RBM26: variants seen among roughly 807,000 people sequenced by gnomAD.
The protein encoded by RBM26 is RNA-binding protein 26.
RBM26 carries 30 observed loss-of-function variants against 123.6 expected under a neutral mutation model. That is an observed-to-expected ratio of 0.24 (90% CI 0.18 to 0.33). The LOEUF is 0.33. RBM26 is among the 10% of genes least tolerant of loss of function. The pLI, the probability that RBM26 is intolerant of heterozygous loss-of-function variation, is 1.00. For synonymous variants in RBM26, 400 were observed against 404.4 expected (o/e 0.99, Z 0.13); for missense variants, 947 against 1,203.6 (o/e 0.79, Z 3.15).
At position 79,322,388 on chromosome 13, in the gene RBM26, T is replaced by C; in HGVS notation, c.2895A>G (p.Ser965=). Residue 965 remains serine, a synonymous_variant, in exon 21 of 22, where the codon TCA becomes TCG. Transcript: ENST00000438737. ...LAWNKPVTNI[S]AVETEEVEPD... ...GCTCAACTTCTTCTGTTTCAACAGCTGAAATATTAGTTACTGGTTTATTCC... is the reference window on the plus strand; with the variant it reads ...GCTCAACTTCTTCTGTTTCAACAGCCGAAATATTAGTTACTGGTTTATTCC... 1.3e-6 allele frequency: 2 copies of C among 1,578,488 alleles called. No individual in the cohort carries two copies. The highest frequency in any genetic ancestry group is 1.7e-6 in the Non-Finnish European group (2 of 1,165,934).
Position 79,320,080 on chromosome 13 carries a change from CATT to C in RBM26, c.*538_*540del. 1.0e-6 allele frequency: 1 copy of C among 975,366 alleles called. No homozygotes were observed. The highest frequency in any genetic ancestry group is 1.2e-6 in the Non-Finnish European group (1 of 823,658). 60.4% of individuals were successfully genotyped at this position (975,366 alleles called of 1,614,324 possible). ...ATGTAAAGCAGTCATACACCATTAT[CATT>C]AAAACCCATATGGTAAAATACATAC... On this transcript the variant is annotated 3_prime_UTR_variant, in exon 22 of 22. Coordinates refer to ENST00000438737, the MANE Select transcript of RBM26 (RefSeq NM_001366735.2).
At chr13:79,374,294 T>C (rs944704779) in intron 3 of RBM26, among the ~76,000 whole-genome samples, 1 of 151,928 alleles carries the variant, frequency 6.6e-6, no homozygotes, top group Non-Finnish European at 1.5e-5. Flanking sequence ...CACGCTGAAA[T>C]ATCATCTCTA....
chr13:79,322,599 TATTTACTATTCA>T (rs2067815250), intron 20 of RBM26, 137 bp from the exon 21 acceptor site: 1 of 511,800 alleles, frequency 2.0e-6, no homozygotes, highest in Non-Finnish European at 3.4e-6. Context: ...GCTTTTTGAT[TATTTACTATTCA>T]ATTTACTATT....
intron 16 of RBM26, among the ~76,000 whole-genome samples, chr13:79,343,037 G>A (rs900891352): frequency 1.3e-5 from 2 of 151,546 alleles, no homozygotes; most frequent in Non-Finnish European, 3.0e-5. Flanking sequence ...TTTTACTCTT[G>A]GTTAAATTTG....
intron 4 of RBM26, 90 bp from the exon 5 acceptor site, chr13:79,371,252 G>T (rs1012197599): frequency 3.8e-6 from 4 of 1,046,406 alleles, no homozygotes; most frequent in African/African-American, 1.6e-5. Context: ...TTTAATTCTT[G>T]TAACTTAACT....
intron 14 of RBM26, among the ~76,000 whole-genome samples, chr13:79,347,807 T>TAA (rs34921250): frequency 2.6e-5 from 4 of 151,600 alleles, no homozygotes; most frequent in Middle Eastern, 6.9e-3. Context: ...AGTACAATAC[T>TAA]AAAAAAAATA....
chr13:79,377,261 A>T (rs2076733142), intron 3 of RBM26, 118 bp downstream of exon 3: 2 of 772,492 alleles, frequency 2.6e-6, no homozygotes, highest in Admixed American at 2.6e-5. Flanking sequence ...TAGAAAAATC[A>T]TTTAAACTGG....
chr13:79,392,288 AAT>A (rs1053574826), intron 1 of RBM26, among the ~76,000 whole-genome samples: 3 of 138,400 alleles, frequency 2.2e-5, no homozygotes, highest in East Asian at 2.1e-4. Flanking sequence ...TTATATATAA[AAT>A]ATATAATTAA....
At chr13:79,380,893 T>G (rs1020681819) in intron 1 of RBM26, among the ~76,000 whole-genome samples, 2 of 152,108 alleles carry the variant, frequency 1.3e-5, no homozygotes, top group Admixed American at 6.6e-5. Context: ...CTGTGCCTGG[T>G]TTATTTCAAT....
chr13:79,340,603 TAGG>T (rs987033135), intron 18 of RBM26, among the ~76,000 whole-genome samples: 8 of 152,134 alleles, frequency 5.3e-5, no homozygotes, highest in Non-Finnish European at 7.4e-5. Flanking sequence ...TCAATTTCAC[TAGG>T]AGTTGTTTCT....
In RBM26 at chr13:79,332,653, A is replaced by G. The variant is rs575797823; in HGVS notation, c.2820+1691T>C. Among the ~76,000 whole-genome samples, 3 of 152,314 alleles carry G rather than the reference A, an allele frequency of 2.0e-5. No individual in the cohort carries two copies. The East Asian group carries it at 5.8e-4, about 29-fold the overall frequency. On this transcript the variant is annotated intron_variant, in intron 20 of 21. Coordinates refer to ENST00000438737, the MANE Select transcript of RBM26 (RefSeq NM_001366735.2). ...TTCCTCTAAATAGGTAATTCTCATT[A>G]GACCTAACTTGGCCTTAGTTATTCT...
rs1324086303 is a variant in RBM26, at chr13:79,378,993, T to C, written c.72-86A>G. On this transcript the variant is annotated intron_variant, in intron 1 of 21. Transcript: ENST00000438737. ...TTACAAACTGAATTAGTGAGAATAA[T>C]AGTTAAGTGAGTTAATACATGTAAA... 10 of 835,694 alleles carry C rather than the reference T, an allele frequency of 1.2e-5. No homozygotes were observed. The East Asian group carries it at 1.5e-4, about 12-fold the overall frequency. 51.8% of individuals were successfully genotyped at this position (835,694 alleles called of 1,614,324 possible).
intron 3 of RBM26, among the ~76,000 whole-genome samples, chr13:79,375,081 T>TGTAAATATATATTTATATATC (rs1555332796): frequency 9.6e-6 from 1 of 104,368 alleles, no homozygotes; most frequent in African/African-American, 3.1e-5. Flanking sequence ...TTATATGATA[T>TGTAAATATATATTTATATATC]ATATAAATAT....
At chr13:79,345,935 A>C (rs2072258417) in intron 14 of RBM26, among the ~76,000 whole-genome samples, 1 of 152,212 alleles carries the variant, frequency 6.6e-6, no homozygotes, top group African/African-American at 2.4e-5. Context: ...ACTGGTTCTT[A>C]AAAAGAAGCC....
chr13:79,320,781 TTAAA>T, intron 21 of RBM26, 71 bp from the exon 22 acceptor site: 2 of 1,345,496 alleles, frequency 1.5e-6, no homozygotes, highest in Non-Finnish European at 2.0e-6. Flanking sequence ...GGTGACACTT[TTAAA>T]TACTCATCTC....
intron 5 of RBM26, among the ~76,000 whole-genome samples, chr13:79,369,473 A>T (rs2075661837): frequency 6.6e-6 from 1 of 152,200 alleles, no homozygotes; most frequent in African/African-American, 2.4e-5. Context: ...TATGGTCCTC[A>T]GGAAACAGAA....
At chr13:79,364,189 T>C (rs2075021516) in intron 9 of RBM26, among the ~76,000 whole-genome samples, 1 of 152,182 alleles carries the variant, frequency 6.6e-6, no homozygotes, top group Non-Finnish European at 1.5e-5. Context: ...TTAAGAGGAA[T>C]GGGTATCCAC....
At position 79,371,871 on chromosome 13, in the gene RBM26, G is replaced by A. The variant is rs1174394107; in HGVS notation, c.387C>T (p.Pro129=). 5.6e-6 allele frequency: 9 copies of A among 1,612,384 alleles called. No individual in the cohort carries two copies. Among genetic ancestry groups the A allele is most frequent in the Non-Finnish European group, 7.6e-6 (9 of 1,178,756 alleles). ...TTTCCCTGTATCGGGAGCTTGACTG[G>A]GGAGGACTGTGATTTAGCCTTCTAG... ...KFSRRLNHSP[P]QSSSRYRENR... Residue 129 remains proline, a synonymous_variant, in exon 4 of 22, where the codon CCC becomes CCT. Coordinates refer to ENST00000438737, the MANE Select transcript of RBM26 (RefSeq NM_001366735.2).
rs1333927263 is a variant in RBM26, at chr13:79,367,424, AAAAAAAAAG to A, written c.896-561_896-553del. Among the ~76,000 whole-genome samples, 111 of 135,244 alleles carry A rather than the reference AAAAAAAAAG, an allele frequency of 8.2e-4. 3 individuals carry two copies. Among genetic ancestry groups the A allele is most frequent in the Middle Eastern group, 8.5e-3 (2 of 234 alleles). The allele number at this position is 135,244 out of a possible 152,430, so 88.7% of individuals were successfully genotyped here. A position where few individuals can be genotyped will look rare whatever the true frequency, so the allele number is the denominator to read the frequency against. ...TCCATCTCAAAAAAAAAAAAAAAAAAAAAAAAAAGAAGAAGAAGAGGCAAAAGAGAGAAA... is the reference window on the plus strand; with the variant it reads ...TCCATCTCAAAAAAAAAAAAAAAAAAAAGAAGAAGAGGCAAAAGAGAGAAA... On this transcript the variant is annotated intron_variant, in intron 6 of 21. Transcript: ENST00000438737.
Sources: gnomAD v4.1 joint callset for allele counts (sites outside exome capture counted in the v4.1 genomes callset) on GRCh38, gnomAD v4.1.1 for gene constraint, MANE v1.5 for transcripts, NCBI Gene and HGNC (gene_info 2026-07-23, HGNC 2026-07-21) for gene names.